TMEM163: variants seen among roughly 807,000 people sequenced by gnomAD.
TMEM163 encodes transmembrane protein 163.
Under a neutral mutation model 29.3 loss-of-function variants are expected in TMEM163, and 17 were observed. That is an observed-to-expected ratio of 0.58 (90% CI 0.40 to 0.87). The LOEUF (loss-of-function observed/expected upper bound fraction) is 0.87. TMEM163 is among the 40% of genes least tolerant of loss of function. The pLI is 0.00. For missense variants in TMEM163, 303 were observed against 381.5 expected (o/e 0.79, Z 1.71); for synonymous variants, 157 against 160.6 (o/e 0.98, Z 0.17).
chr2:134,595,934 A>C (rs1682069363), intron 2 of TMEM163, among the ~76,000 whole-genome samples: 1 of 152,202 alleles, frequency 6.6e-6, no homozygotes, highest in Admixed American at 6.5e-5. Context: ...GTGTCAGTTC[A>C]TATTCTTCAC....
In TMEM163 at chr2:134,573,394, CGG is replaced by C. The variant is rs1373496520; in HGVS notation, c.323-21305_323-21304del. On this transcript the variant is annotated intron_variant, in intron 2 of 7. Transcript: ENST00000281924. The stretch of plus-strand genomic sequence containing the variant: ...AAGGTATAAGCCAGTGTTTCTCAAC[CGG>C]GGGCACTTTTAGCCGCCAGGGGGTA... Among the ~76,000 whole-genome samples the C allele has an allele frequency of 2.0e-5, 3 of 152,134 alleles. No homozygotes were observed. In the East Asian group the frequency reaches 5.8e-4, roughly 29 times the overall value.
intron 5 of TMEM163, among the ~76,000 whole-genome samples, chr2:134,495,311 T>A (rs1338406874): frequency 6.6e-6 from 1 of 152,108 alleles, no homozygotes; most frequent in Non-Finnish European, 1.5e-5. Flanking sequence ...CACTCCAGCC[T>A]GGGTGGAGGG....
At chr2:134,479,843 T>G (rs891740306) in intron 5 of TMEM163, among the ~76,000 whole-genome samples, 1 of 152,210 alleles carries the variant, frequency 6.6e-6, no homozygotes, top group East Asian at 1.9e-4. Context: ...CTGCTTCCAC[T>G]TCTCTCAGCC....
chr2:134,470,654 C>G (rs1574156498), intron 5 of TMEM163, among the ~76,000 whole-genome samples: 1 of 152,174 alleles, frequency 6.6e-6, no homozygotes, highest in African/African-American at 2.4e-5. Context: ...GCCTCAGAAA[C>G]AGATGAACCC....
intron 2 of TMEM163, among the ~76,000 whole-genome samples, chr2:134,703,914 G>A (rs534355435): frequency 1.3e-5 from 2 of 149,796 alleles, no homozygotes; most frequent in Non-Finnish European, 3.0e-5. Flanking sequence ...TTCAGCATTT[G>A]TATATTTGAT....
At chr2:134,700,941 A>ATACATAAATACATAAATAC (rs1553495683) in intron 2 of TMEM163, among the ~76,000 whole-genome samples, 2,247 of 146,402 alleles carry the variant, frequency 0.015, 68 homozygotes, top group African/African-American at 0.054. Context: ...TAAATAAATA[A>ATACATAAATACATAAATAC]ATAAATAAAG....
chr2:134,484,783 G>A (rs1679274609), intron 5 of TMEM163, among the ~76,000 whole-genome samples: 1 of 152,132 alleles, frequency 6.6e-6, no homozygotes, highest in Non-Finnish European at 1.5e-5. Flanking sequence ...GGCAATGGGG[G>A]AATGGTTAAA....
At chr2:134,458,253 C>T (rs982243124) in intron 6 of TMEM163, 80 bp from the exon 7 acceptor site, 22 of 1,549,544 alleles carry the variant, frequency 1.4e-5, no homozygotes, top group Admixed American at 3.5e-5. Flanking sequence ...CCTGCCTCCA[C>T]GTAACTGGAG....
intron 2 of TMEM163, among the ~76,000 whole-genome samples, chr2:134,612,399 C>A (rs747175402): frequency 6.6e-6 from 1 of 152,144 alleles, no homozygotes; most frequent in Admixed American, 6.5e-5. Context: ...AGACTGCACA[C>A]GTGCAGGGCT....
chr2:134,615,434 C>T (rs576567773), intron 2 of TMEM163, among the ~76,000 whole-genome samples: 6 of 152,200 alleles, frequency 3.9e-5, no homozygotes, highest in South Asian at 4.1e-4. Flanking sequence ...ATGTTGAAGA[C>T]GAAACCCATA....
At chr2:134,568,569 A>G (rs1270021826) in intron 2 of TMEM163, among the ~76,000 whole-genome samples, 1 of 151,346 alleles carries the variant, frequency 6.6e-6, no homozygotes, top group African/African-American at 2.4e-5. Flanking sequence ...GAAAAGAAGG[A>G]AAAGAAAAAG....
chr2:134,586,216 T>C (rs935332996), intron 2 of TMEM163, among the ~76,000 whole-genome samples: 1 of 152,234 alleles, frequency 6.6e-6, no homozygotes, highest in African/African-American at 2.4e-5. Context: ...CTTGTATTAG[T>C]TGGCAAGGGC....
chr2:134,627,207 G>T (rs1682872188), intron 2 of TMEM163, among the ~76,000 whole-genome samples: 1 of 151,994 alleles, frequency 6.6e-6, no homozygotes, highest in African/African-American at 2.4e-5. Flanking sequence ...GTACAGTAGG[G>T]CATTTCATCC....
intron 2 of TMEM163, among the ~76,000 whole-genome samples, chr2:134,693,432 C>T (rs1684516444): frequency 6.6e-6 from 1 of 151,908 alleles, no homozygotes; most frequent in African/African-American, 2.4e-5. Context: ...CATGGCGAAA[C>T]CCCATCTCTA....
Position 134,605,463 on chromosome 2 carries a change from T to C in TMEM163, c.323-53372A>G, listed in dbSNP as rs1682332293. ...CTGTAATATCAGCACTTTAGGAGGC[T>C]GAGGCACGAGGATCACCTGAGGTCA... On this transcript the variant is annotated intron_variant, in intron 2 of 7. Coordinates refer to ENST00000281924, the MANE Select transcript of TMEM163 (RefSeq NM_030923.5). 2.0e-5 allele frequency among the ~76,000 whole-genome samples: 3 copies of C among 152,236 alleles called. No homozygotes were observed. The South Asian group carries it at 6.2e-4, about 32-fold the overall frequency.
intron 2 of TMEM163, among the ~76,000 whole-genome samples, chr2:134,712,975 A>C (rs548304664): frequency 6.6e-6 from 1 of 152,276 alleles, no homozygotes; most frequent in East Asian, 1.9e-4. Flanking sequence ...CATACTGATG[A>C]GAGCCAAGGC....
chr2:134,656,218 C>G lies in TMEM163; in HGVS notation c.322+56982G>C, dbSNP rs547367590. 1.2e-3 allele frequency among the ~76,000 whole-genome samples: 176 copies of G among 148,954 alleles called. 2 individuals carry two copies. Among genetic ancestry groups the G allele is most frequent in the African/African-American group, 4.4e-3 (170 of 38,974 alleles). On this transcript the variant is annotated intron_variant, in intron 2 of 7. Transcript: ENST00000281924. ...CAGCGAGACTCCGTGGGCGTAGGAC[C>G]CTCCGAGCCAGGTGTGGGATATAAT...
At chr2:134,497,452 C>T (rs116801373) in intron 5 of TMEM163, among the ~76,000 whole-genome samples, 13 of 152,148 alleles carry the variant, frequency 8.5e-5, no homozygotes, top group African/African-American at 2.9e-4. Context: ...GGCCCAGACA[C>T]TGGCCAAGAG....
intron 2 of TMEM163, among the ~76,000 whole-genome samples, chr2:134,659,015 C>T (rs947857429): frequency 6.6e-6 from 1 of 152,190 alleles, no homozygotes; most frequent in Non-Finnish European, 1.5e-5. Flanking sequence ...TATCATTGTG[C>T]AAACATCGCC....
Sources: allele counts gnomAD v4.1 joint callset (sites outside exome capture counted in the v4.1 genomes callset), GRCh38; gene constraint gnomAD v4.1.1; transcripts MANE v1.5; gene names NCBI Gene and HGNC (gene_info 2026-07-23, HGNC 2026-07-21).